The following ATP13A3 variants were observed in gnomAD, a reference collection of about 807,000 sequenced individuals.
ATP13A3 encodes the protein polyamine-transporting ATPase 13A3.
A neutral mutation model predicts 158.1 loss-of-function variants in ATP13A3; 59 were observed. The ratio of observed to expected loss-of-function variants is 0.37; its 90% CI spans 0.30 to 0.46. The LOEUF (loss-of-function observed/expected upper bound fraction) is 0.46. ATP13A3 is among the 20% of genes least tolerant of loss of function. The pLI is 1.00. For synonymous variants in ATP13A3, 491 were observed against 504.3 expected, an observed-to-expected ratio of 0.97 and a Z score of 0.35; for missense variants, 1,166 against 1,525.2, an observed-to-expected ratio of 0.76 and a Z score of 3.92.
chr3:194,450,143 A>G lies in ATP13A3; in HGVS notation c.970+2T>C. 1 of 1,613,492 alleles carries G rather than the reference A, an allele frequency of 6.2e-7. No individual in the cohort carries two copies. The highest frequency in any genetic ancestry group is 8.5e-7 in the Non-Finnish European group (1 of 1,179,698). ...ATGTTGATATTTACTCATTTAGCTT[A>G]CCTGTTAACATGCTTTCGTTTACAA... On this transcript the variant is annotated splice_donor_variant, in intron 11 of 33. Transcript: ENST00000645319. LOFTEE classifies it high-confidence loss of function.
chr3:194,445,303 C>T (rs1289940411), intron 14 of ATP13A3, among the ~76,000 whole-genome samples: 1 of 151,940 alleles, frequency 6.6e-6, no homozygotes, highest in East Asian at 1.9e-4. Context: ...CAATGTAATC[C>T]CTATTTGGAT....
At chr3:194,428,068 A>C (rs1716930505) in intron 28 of ATP13A3, among the ~76,000 whole-genome samples, 1 of 152,162 alleles carries the variant, frequency 6.6e-6, no homozygotes, top group African/African-American at 2.4e-5. Context: ...TAAAAATATA[A>C]AAATTAGCAG....
intron 21 of ATP13A3, among the ~76,000 whole-genome samples, chr3:194,433,277 C>T (rs565838713): frequency 7.1e-6 from 1 of 141,122 alleles, no homozygotes; most frequent in South Asian, 2.2e-4. Flanking sequence ...CGCTCTGTCG[C>T]CCAGGCCGGA....
chr3:194,425,662 A>G, intron 29 of ATP13A3, 133 bp from the exon 30 acceptor site: 1 of 684,960 alleles, frequency 1.5e-6, no homozygotes, highest in Non-Finnish European at 2.4e-6. Flanking sequence ...AAAAGGTCCA[A>G]CAATATCAAT....
rs1425723298 is a variant in ATP13A3, at chr3:194,403,589, C to T, written c.*2330G>A. 1 of 152,184 alleles carries T rather than the reference C, an allele frequency of 6.6e-6. No individual in the cohort carries two copies. The highest frequency in any genetic ancestry group is 1.9e-4 in the East Asian group (1 of 5,204). The allele number at this position is 152,184 out of a possible 1,614,324, so 9.4% of individuals were successfully genotyped here. On this transcript the variant is annotated 3_prime_UTR_variant, in exon 34 of 34. Transcript: ENST00000645319. ...TAAAATTTAAATCAGCAATATTCAT[C>T]TTAATACATCAAAATAATATATGTA...
At chr3:194,414,042 G>T (rs1256045442) in intron 31 of ATP13A3, among the ~76,000 whole-genome samples, 2 of 151,996 alleles carry the variant, frequency 1.3e-5, no homozygotes, top group African/African-American at 2.4e-5. Flanking sequence ...GTAACTCAAG[G>T]TTAAAGAAAA....
intron 32 of ATP13A3, chr3:194,412,561 G>A: frequency 2.6e-6 from 1 of 387,958 alleles, no homozygotes; most frequent in East Asian, 5.1e-5. Context: ...ATATTAAAAT[G>A]ATGCTTATGT....
chr3:194,439,661 C>T (rs1220426820), intron 16 of ATP13A3, among the ~76,000 whole-genome samples: 1 of 152,196 alleles, frequency 6.6e-6, no homozygotes, highest in African/African-American at 2.4e-5. Flanking sequence ...TGGGATGCAT[C>T]TTGTATCATA....
rs531673979 is a variant in ATP13A3, at chr3:194,435,684, A to G, written c.2120+1411T>C. 1.1e-3 allele frequency among the ~76,000 whole-genome samples: 164 copies of G among 152,292 alleles called. 6 individuals are homozygous for G. In the South Asian group the frequency reaches 0.031, roughly 29 times the overall value. ...AGTACTTTGGGAGGCCAAGGCGGGCAGATCACAAGGTCAGGAGTTCGAGAC... is the reference window on the plus strand; with the variant it reads ...AGTACTTTGGGAGGCCAAGGCGGGCGGATCACAAGGTCAGGAGTTCGAGAC... On this transcript the variant is annotated intron_variant, in intron 20 of 33. Coordinates refer to ENST00000645319, the MANE Select transcript of ATP13A3 (RefSeq NM_001367549.1).
chr3:194,427,807 C>T (rs1209169369), intron 28 of ATP13A3, among the ~76,000 whole-genome samples: 1 of 151,968 alleles, frequency 6.6e-6, no homozygotes, highest in Non-Finnish European at 1.5e-5. Context: ...TAAAATAATA[C>T]ACACTTCTTC....
chr3:194,474,806 A>G (rs544771948), intron 2 of ATP13A3, among the ~76,000 whole-genome samples: 29 of 152,304 alleles, frequency 1.9e-4, no homozygotes, highest in African/African-American at 5.1e-4. Context: ...ATACAACCTT[A>G]CAGCTGCTGC....
At chr3:194,437,277 C>G in intron 19 of ATP13A3, 34 bp downstream of exon 19, 1 of 1,613,824 alleles carries the variant, frequency 6.2e-7, no homozygotes, top group Non-Finnish European at 8.5e-7. Context: ...ACTCAAATAC[C>G]AGAATTGTAC....
At chr3:194,491,846 C>A (rs181060907), upstream of ATP13A3, among the ~76,000 whole-genome samples, 862 of 149,514 alleles carry the variant, frequency 5.8e-3, 1 homozygote, top group Non-Finnish European at 9.5e-3. Flanking sequence ...TGGCATGTCC[C>A]CTCATCTCTC....
intron 2 of ATP13A3, among the ~76,000 whole-genome samples, chr3:194,478,646 G>A (rs893484474): frequency 6.6e-6 from 1 of 152,126 alleles, no homozygotes; most frequent in Non-Finnish European, 1.5e-5. Flanking sequence ...ATAAGGAAGG[G>A]TCTTGTTAGA....
intron 17 of ATP13A3, among the ~76,000 whole-genome samples, chr3:194,438,037 G>GT (rs1243663956): frequency 6.6e-6 from 1 of 152,162 alleles, no homozygotes; most frequent in Non-Finnish European, 1.5e-5. Flanking sequence ...GCGTGCGCCT[G>GT]TAATACCAGC....
chr3:194,444,894 A>G (rs1007478593), intron 14 of ATP13A3, 108 bp from the exon 15 acceptor site: 2 of 791,654 alleles, frequency 2.5e-6, no homozygotes, highest in Non-Finnish European at 4.0e-6. Context: ...TATGCTACAT[A>G]TAACATAATG....
intron 2 of ATP13A3, among the ~76,000 whole-genome samples, chr3:194,463,617 C>G (rs1719808821): frequency 6.6e-6 from 1 of 152,132 alleles, no homozygotes. Context: ...CTATTACTGC[C>G]TTCGTTTCAG....
At position 194,467,746 on chromosome 3, in the gene ATP13A3, TGA is replaced by T. The variant is rs549534106; in HGVS notation, c.-46-5512_-46-5511del. ...TAAAAGCCCTGATTATTTCAATGAC[TGA>T]GAGGATAAAAAACCACATAAACATA... On this transcript the variant is annotated intron_variant, in intron 2 of 33. Coordinates refer to ENST00000645319, the MANE Select transcript of ATP13A3 (RefSeq NM_001367549.1). The T allele has an allele frequency of 7.0e-4, 107 of 151,822 alleles. 1 individual carries two copies. Among genetic ancestry groups the T allele is most frequent in the African/African-American group, 2.5e-3 (104 of 41,124 alleles). 9.4% of individuals were successfully genotyped at this position (151,822 alleles called of 1,614,324 possible).
intron 14 of ATP13A3, among the ~76,000 whole-genome samples, chr3:194,446,369 A>T (rs1308442862): frequency 1.3e-5 from 2 of 152,124 alleles, no homozygotes; most frequent in Non-Finnish European, 2.9e-5. Context: ...AAGTTAAGTG[A>T]ACCAGCACAT....
Sources: gnomAD v4.1 joint callset for allele counts (sites outside exome capture counted in the v4.1 genomes callset) on GRCh38, gnomAD v4.1.1 for gene constraint, MANE v1.5 for transcripts, NCBI Gene and HGNC (gene_info 2026-07-23, HGNC 2026-07-21) for gene names.